The following CTSO variants were observed in gnomAD, a reference collection of about 807,000 sequenced individuals.
CTSO encodes the protein cathepsin O.
A neutral mutation model predicts 42.4 loss-of-function variants in CTSO; 40 were observed. The ratio of observed to expected loss-of-function variants is 0.94; its 90% CI spans 0.73 to 1.23. CTSO has a LOEUF of 1.23. CTSO is among the 50% of genes most tolerant of loss of function. The pLI is 0.00. For synonymous variants in CTSO, 156 were observed against 146.2 expected (o/e 1.07, Z -0.48); for missense variants, 441 against 396.0 (o/e 1.11, Z -0.96).
At chr4:155,939,797 T>C (rs528167682) in intron 3 of CTSO, among the ~76,000 whole-genome samples, 1 of 152,332 alleles carries the variant, frequency 6.6e-6, no homozygotes, top group Admixed American at 6.5e-5. Context: ...AAGTGAATTT[T>C]TAGAGACCGA....
intron 1 of CTSO, among the ~76,000 whole-genome samples, chr4:155,949,726 A>C (rs191283244): frequency 6.6e-6 from 1 of 152,338 alleles, no homozygotes; most frequent in Non-Finnish European, 1.5e-5. Context: ...AAGGTAAAAT[A>C]TTTGTATACA....
chr4:155,933,380 A>T (rs1188153627), intron 5 of CTSO, among the ~76,000 whole-genome samples: 2 of 152,098 alleles, frequency 1.3e-5, no homozygotes, highest in Non-Finnish European at 2.9e-5. Context: ...AGTCCAATTA[A>T]ACCTTTCTCT....
At chr4:155,941,286 A>T (rs12504631) in intron 3 of CTSO, among the ~76,000 whole-genome samples, 53,258 of 152,100 alleles carry the variant, frequency 0.35, 10,455 homozygotes, top group East Asian at 0.69. Flanking sequence ...GGCATTCCCT[A>T]TGCCAACAGT....
At chr4:155,951,539 T>C (rs1322647917) in intron 1 of CTSO, among the ~76,000 whole-genome samples, 1 of 152,222 alleles carries the variant, frequency 6.6e-6, no homozygotes, top group African/African-American at 2.4e-5. Context: ...TGGGCTAACC[T>C]AACTTTCATT....
intron 6 of CTSO, among the ~76,000 whole-genome samples, chr4:155,929,015 C>T (rs1367175684): frequency 6.6e-6 from 1 of 152,164 alleles, no homozygotes; most frequent in East Asian, 1.9e-4. Context: ...GGAATTAGGG[C>T]AAGGAACACC....
chr4:155,947,496 C>A (rs1743570214), intron 1 of CTSO, among the ~76,000 whole-genome samples: 1 of 152,130 alleles, frequency 6.6e-6, no homozygotes, highest in Non-Finnish European at 1.5e-5. Flanking sequence ...CTATTGAAAG[C>A]AATCTGTTGC....
intron 1 of CTSO, among the ~76,000 whole-genome samples, chr4:155,943,534 T>C (rs1301249128): frequency 6.6e-6 from 1 of 152,136 alleles, no homozygotes; most frequent in African/African-American, 2.4e-5. Context: ...AAGCATTCCA[T>C]ATACAGCTGT....
chr4:155,928,269 C>G, intron 7 of CTSO, 67 bp downstream of exon 7: 1 of 1,194,750 alleles, frequency 8.4e-7, no homozygotes, highest in Non-Finnish European at 1.2e-6. Context: ...TAGATTGTAA[C>G]TCTAAAATAT....
intron 1 of CTSO, among the ~76,000 whole-genome samples, chr4:155,943,746 G>A (rs1162617275): frequency 6.6e-6 from 1 of 152,138 alleles, no homozygotes; most frequent in Non-Finnish European, 1.5e-5. Context: ...AAATCAATCT[G>A]ATTCTATTAA....
chr4:155,947,386 C>T (rs1421997388), intron 1 of CTSO, among the ~76,000 whole-genome samples: 1 of 152,154 alleles, frequency 6.6e-6, no homozygotes, highest in Non-Finnish European at 1.5e-5. Flanking sequence ...TTCCTTTAAA[C>T]AGAGTATTTG....
chr4:155,929,595 C>G lies in CTSO; in HGVS notation c.785G>C (p.Cys262Ser). The G allele has an allele frequency of 6.2e-7, 1 of 1,613,926 alleles. No homozygotes were observed. The highest frequency in any genetic ancestry group is 8.5e-7 in the Non-Finnish European group (1 of 1,179,960). Residue 262 changes from cysteine to serine, a missense_variant, in exon 6 of 8, where the codon TGC (cysteine) becomes TCC (serine). Cys to Ser is a moderately radical substitution (Grantham distance 112). Coordinates refer to ENST00000433477, the MANE Select transcript of CTSO (RefSeq NM_001334.3). ...DYLGGIIQHH[C>S]SSGEANHAVL... ...TGCATGATTTGCTTCTCCACTAGAG[C>G]AGTGATGCTGTATAATGCCTCCCAG...
At chr4:155,931,506 G>A (rs1218841199) in intron 5 of CTSO, among the ~76,000 whole-genome samples, 1 of 152,100 alleles carries the variant, frequency 6.6e-6, no homozygotes, top group African/African-American at 2.4e-5. Context: ...AGAAATAGAA[G>A]GACAAGCCTC....
At chr4:155,953,641 C>T (rs1743717619) in intron 1 of CTSO, 72 bp downstream of exon 1, 1 of 1,229,956 alleles carries the variant, frequency 8.1e-7, no homozygotes, top group Non-Finnish European at 1.0e-6. Flanking sequence ...CGGGGGCCCT[C>T]TTCCGCAGCC....
Position 155,953,766 on chromosome 4 carries a change from G to T in CTSO, c.82C>A (p.Pro28Thr). The T allele has an allele frequency of 1.5e-6, 2 of 1,333,814 alleles. No individual in the cohort carries two copies. The highest frequency in any genetic ancestry group is 3.0e-5 in the African/African-American group (2 of 66,220). The allele number at this position is 1,333,814 out of a possible 1,614,324, so 82.6% of individuals were successfully genotyped here. Reference sequence around the variant, plus strand: ...CTCCGCGGCCAGGTCGGGGTGAAGGGGGCGCGGGAGTCCGCATCGCCGCCG... The same window carrying T: ...CTCCGCGGCCAGGTCGGGGTGAAGGTGGCGCGGGAGTCCGCATCGCCGCCG... ...RGGGDADSRA[P>T]FTPTWPRSRE... The change falls in exon 1 of 8, where the codon CCC (proline) becomes ACC (threonine). Residue 28 changes from proline to threonine, a missense_variant. Transcript: ENST00000433477.
chr4:155,926,747 T>C (rs1224119808), intron 7 of CTSO, among the ~76,000 whole-genome samples: 1 of 152,166 alleles, frequency 6.6e-6, no homozygotes, highest in Non-Finnish European at 1.5e-5. Flanking sequence ...ATTTACATTA[T>C]GAAAGCAGGT....
chr4:155,943,330 C>G, intron 1 of CTSO, 66 bp from the exon 2 acceptor site: 1 of 925,920 alleles, frequency 1.1e-6, no homozygotes, highest in Non-Finnish European at 1.7e-6. Context: ...CTGTGTATAA[C>G]TAACTTGGAG....
rs757866604 is a variant in CTSO at position 155,929,566 on chromosome 4, G to A, written c.814C>T (p.Leu272Phe). 6.8e-6 allele frequency: 11 copies of A among 1,613,400 alleles called. No individual in the cohort carries two copies. The East Asian group carries it at 2.5e-4, about 36-fold the overall frequency. Reference protein sequence around the residue: ...CSSGEANHAVLITGFDKTGST... With the variant: ...CSSGEANHAVFITGFDKTGST... Reference sequence around the variant, plus strand: ...CCTGTTTTATCAAACCCAGTTATGAGAACTGCATGATTTGCTTCTCCACTA... The same window carrying A: ...CCTGTTTTATCAAACCCAGTTATGAAAACTGCATGATTTGCTTCTCCACTA... Residue 272 changes from leucine (L) to phenylalanine (F), a missense_variant, in exon 6 of 8, where the codon CTC becomes TTC. Transcript: ENST00000433477.
intron 1 of CTSO, among the ~76,000 whole-genome samples, chr4:155,947,883 T>G (rs1260348534): frequency 6.6e-6 from 1 of 152,194 alleles, no homozygotes; most frequent in Non-Finnish European, 1.5e-5. Context: ...AGAAAAGACC[T>G]GAACCTTAAC....
chr4:155,931,461 C>A (rs1012925459), intron 5 of CTSO, among the ~76,000 whole-genome samples: 2 of 151,954 alleles, frequency 1.3e-5, no homozygotes, highest in African/African-American at 4.8e-5. Context: ...CTGATTTGGG[C>A]CAGAGCTGAA....
Sources: gnomAD v4.1 joint callset for allele counts (sites outside exome capture counted in the v4.1 genomes callset) on GRCh38, gnomAD v4.1.1 for gene constraint, MANE v1.5 for transcripts, NCBI Gene and HGNC (gene_info 2026-07-23, HGNC 2026-07-21) for gene names.